Variants in ACOT12 observed in about 807,000 individuals in gnomAD.
ACOT12 encodes the protein acyl-CoA thioesterase 12.
In ACOT12, 51 loss-of-function variants were observed where a neutral mutation model predicts 67.7. That is an observed-to-expected ratio of 0.75 (90% CI 0.60 to 0.95). The LOEUF is 0.95. ACOT12 is among the 40% of genes least tolerant of loss of function. The pLI is 0.00. For missense variants in ACOT12, 734 were observed against 708.1 expected (o/e 1.04, Z -0.41); for synonymous variants, 251 against 244.6 (o/e 1.03, Z -0.24).
the ACOT12 span, among the ~76,000 whole-genome samples, chr5:81,314,973 C>A: frequency 6.6e-6 from 1 of 152,190 alleles, no homozygotes; most frequent in African/African-American, 2.4e-5. Flanking sequence ...AGCCACTACA[C>A]CCAGCTGAAT....
Position 81,330,251 on chromosome 5 carries a change from T to C in ACOT12, c.*143A>G, listed in dbSNP as rs1302831030. ...TCACTGGTATTTGACTTAAGATGCATTTTGTTTTTTAACTCCGTCACTGCA... is the reference window on the plus strand; with the variant it reads ...TCACTGGTATTTGACTTAAGATGCACTTTGTTTTTTAACTCCGTCACTGCA... On this transcript the variant is annotated 3_prime_UTR_variant, in exon 15 of 15. Coordinates refer to ENST00000307624, the MANE Select transcript of ACOT12 (RefSeq NM_130767.3). 2 of 870,448 alleles carry C rather than the reference T, an allele frequency of 2.3e-6. No individual in the cohort carries two copies. The highest frequency in any genetic ancestry group is 3.4e-5 in the African/African-American group (2 of 58,914). 53.9% of individuals were successfully genotyped at this position (870,448 alleles called of 1,614,324 possible). A position where few individuals can be genotyped will look rare whatever the true frequency, so the allele number is the denominator to read the frequency against.
At chr5:81,324,439 G>T in the ACOT12 span, among the ~76,000 whole-genome samples, 1 of 152,160 alleles carries the variant, frequency 6.6e-6, no homozygotes, top group African/African-American at 2.4e-5. Context: ...ACTTTGAGAT[G>T]ACTATTGTCC....
At chr5:81,342,936 C>A (rs946502812) in intron 10 of ACOT12, among the ~76,000 whole-genome samples, 181 bp from the exon 11 acceptor site, 2 of 152,148 alleles carry the variant, frequency 1.3e-5, no homozygotes, top group African/African-American at 4.8e-5. Flanking sequence ...AGTCCCAGCA[C>A]TTTGGGAGGC....
chr5:81,335,038 G>A (rs970495730), intron 12 of ACOT12, among the ~76,000 whole-genome samples: 4 of 152,176 alleles, frequency 2.6e-5, no homozygotes, highest in Non-Finnish European at 5.9e-5. Flanking sequence ...GAAAAGTAAG[G>A]AACTGCCAAT....
chr5:81,384,670 A>G (rs780239398), intron 2 of ACOT12, among the ~76,000 whole-genome samples: 4 of 152,210 alleles, frequency 2.6e-5, no homozygotes, highest in Admixed American at 1.3e-4. Flanking sequence ...ATGTTCCTAC[A>G]AGGATGAAGT....
At chr5:81,393,936 C>T (rs969381494) in intron 1 of ACOT12, 52 bp downstream of exon 1, 1 of 1,286,196 alleles carries the variant, frequency 7.8e-7, no homozygotes, top group African/African-American at 1.6e-5. Flanking sequence ...CAGCCGCCGC[C>T]GCTCCCGCAG....
At chr5:81,321,719 G>C in the ACOT12 span, among the ~76,000 whole-genome samples, 1 of 152,166 alleles carries the variant, frequency 6.6e-6, no homozygotes, top group East Asian at 1.9e-4. Flanking sequence ...GGCTGAGGTG[G>C]GTGGATTACC....
chr5:81,344,438 CT>C (rs1759307901), intron 8 of ACOT12, among the ~76,000 whole-genome samples: 1 of 152,176 alleles, frequency 6.6e-6, no homozygotes, highest in Non-Finnish European at 1.5e-5. Context: ...TCTTCCTTTT[CT>C]CAAAAGTGGA....
downstream of ACOT12, among the ~76,000 whole-genome samples, chr5:81,326,194 C>T (rs112805889): frequency 1.2e-4 from 16 of 137,098 alleles, no homozygotes; most frequent in Admixed American, 5.2e-4. Context: ...GGCATGATCT[C>T]GGCTCACTGC....
At chr5:81,317,150 T>C in the ACOT12 span, among the ~76,000 whole-genome samples, 1 of 152,094 alleles carries the variant, frequency 6.6e-6, no homozygotes, top group Non-Finnish European at 1.5e-5. Context: ...AACCCAAGAG[T>C]ATTAGTCCGT....
At chr5:81,374,724 G>C (rs1028554852) in intron 2 of ACOT12, among the ~76,000 whole-genome samples, 1 of 152,058 alleles carries the variant, frequency 6.6e-6, no homozygotes, top group Non-Finnish European at 1.5e-5. Context: ...AATCAATCAG[G>C]CAGAAGAAAG....
chr5:81,387,309 C>T (rs775571383), intron 1 of ACOT12, among the ~76,000 whole-genome samples: 52 of 151,888 alleles, frequency 3.4e-4, no homozygotes, highest in Non-Finnish European at 6.8e-4. Flanking sequence ...TTAAGCAGTC[C>T]ACTCTGTGGC....
intron 14 of ACOT12, 120 bp from the exon 15 acceptor site, chr5:81,330,663 T>C: frequency 6.8e-7 from 1 of 1,474,618 alleles, no homozygotes; most frequent in South Asian, 1.3e-5. Flanking sequence ...GGGGACCTTC[T>C]GGAATAGATG....
intron 2 of ACOT12, among the ~76,000 whole-genome samples, chr5:81,384,269 C>G (rs186336559): frequency 7.9e-5 from 12 of 151,870 alleles, no homozygotes; most frequent in African/African-American, 2.9e-4. Context: ...GGATTACAAG[C>G]GCCCGTCATC....
intron 2 of ACOT12, among the ~76,000 whole-genome samples, chr5:81,375,853 C>A (rs1416417717): frequency 6.6e-6 from 1 of 152,042 alleles, no homozygotes; most frequent in East Asian, 1.9e-4. Context: ...TTCTTAGAGA[C>A]CTACAAAGAG....
chr5:81,367,543 G>T (rs1227936431), intron 3 of ACOT12, among the ~76,000 whole-genome samples: 1 of 151,966 alleles, frequency 6.6e-6, no homozygotes, highest in African/African-American at 2.4e-5. Flanking sequence ...GCAAACCCGA[G>T]AAAAACATTA....
chr5:81,334,553 A>G (rs1758936453), intron 12 of ACOT12, among the ~76,000 whole-genome samples: 2 of 152,250 alleles, frequency 1.3e-5, no homozygotes, highest in African/African-American at 4.8e-5. Flanking sequence ...ATCTGTGCCA[A>G]TGTAACACGT....
At chr5:81,341,373 C>T (rs547148572) in intron 11 of ACOT12, among the ~76,000 whole-genome samples, 7 of 152,188 alleles carry the variant, frequency 4.6e-5, no homozygotes, top group Admixed American at 6.5e-5. Flanking sequence ...AGAGTTGAAA[C>T]GAATCAATGA....
At chr5:81,326,320 C>A (rs1758675775), downstream of ACOT12, among the ~76,000 whole-genome samples, 1 of 151,696 alleles carries the variant, frequency 6.6e-6, no homozygotes, top group Admixed American at 6.6e-5. Context: ...GATGGGGTTT[C>A]TTCATGTTGG....
Sources: gnomAD v4.1 joint callset for allele counts (sites outside exome capture counted in the v4.1 genomes callset) on GRCh38, gnomAD v4.1.1 for gene constraint, MANE v1.5 for transcripts, NCBI Gene and HGNC (gene_info 2026-07-23, HGNC 2026-07-21) for gene names.